BRCA1: variants seen among roughly 807,000 people sequenced by gnomAD.
BRCA1 encodes the protein breast cancer type 1 susceptibility protein.
A neutral mutation model predicts 173.7 loss-of-function variants in BRCA1; 140 were observed. The ratio of observed to expected loss-of-function variants is 0.81; its 90% CI spans 0.70 to 0.93. The LOEUF (loss-of-function observed/expected upper bound fraction) is 0.93, where lower values mean the gene tolerates loss of function less well. Ranked by LOEUF, BRCA1 falls within the 40% of genes least tolerant of loss-of-function variation. BRCA1 has a pLI of 0.00. For synonymous variants in BRCA1, 662 were observed against 756.0 expected (o/e 0.88, Z 2.04); for missense variants, 1,983 against 2,172.5 (o/e 0.91, Z 1.73).
At chr17:43,137,073 C>T (rs533838221) in intron 1 of BRCA1, among the ~76,000 whole-genome samples, 12 of 152,240 alleles carry the variant, frequency 7.9e-5, no homozygotes, top group African/African-American at 2.9e-4. Flanking sequence ...AAATGTGGCA[C>T]ATATACACCA....
At chr17:43,159,239 C>T (rs1207395711) in intron 1 of BRCA1, among the ~76,000 whole-genome samples, 2 of 152,200 alleles carry the variant, frequency 1.3e-5, no homozygotes, top group African/African-American at 4.8e-5. Flanking sequence ...CGACAGAGAT[C>T]CTGTATAAAA....
At chr17:43,123,404 T>A (rs2055681076) in intron 2 of BRCA1, among the ~76,000 whole-genome samples, 1 of 147,928 alleles carries the variant, frequency 6.8e-6, no homozygotes, top group African/African-American at 2.6e-5. Flanking sequence ...TCGCTGGAGT[T>A]CAGTGGTGCC....
intron 11 of BRCA1, among the ~76,000 whole-genome samples, chr17:43,087,664 GAAA>G (rs1302904943): frequency 1.5e-5 from 1 of 66,932 alleles, no homozygotes; most frequent in African/African-American, 5.4e-5. Flanking sequence ...CTCCATCTCA[GAAA>G]AAAAAAAAAA....
chr17:43,136,455 A>G (rs1283272106), intron 1 of BRCA1, among the ~76,000 whole-genome samples: 4 of 152,226 alleles, frequency 2.6e-5, no homozygotes, highest in Admixed American at 2.6e-4. Flanking sequence ...TAAACTAAAG[A>G]GCTTCTGCAC....
At chr17:43,119,747 G>A (rs1474283554) in intron 2 of BRCA1, among the ~76,000 whole-genome samples, 3 of 152,042 alleles carry the variant, frequency 2.0e-5, no homozygotes, top group Admixed American at 6.6e-5. Flanking sequence ...GAAATTCTCC[G>A]TAAAAGAAAA....
chr17:43,142,938 G>GTATA (rs1476053792), intron 1 of BRCA1, among the ~76,000 whole-genome samples: 3 of 144,156 alleles, frequency 2.1e-5, no homozygotes, highest in African/African-American at 8.1e-5. Flanking sequence ...GTGTGTGTGT[G>GTATA]TGTATATATA....
chr17:43,083,448 G>GCC (rs1567784103), intron 11 of BRCA1, among the ~76,000 whole-genome samples: 1 of 152,152 alleles, frequency 6.6e-6, no homozygotes, highest in Non-Finnish European at 1.5e-5. Flanking sequence ...GCGCCATTGT[G>GCC]CCTGACCTGA....
rs755285181 is a variant in BRCA1 at position 43,094,711 on chromosome 17, A to C, written c.820T>G (p.Cys274Gly). 6.2e-7 allele frequency: 1 copy of C among 1,612,022 alleles called. No homozygotes were observed. Among genetic ancestry groups the C allele is most frequent in the Non-Finnish European group, 8.5e-7 (1 of 1,178,572 alleles). ...GAGCTGGCATGAGTATTTGTGCCAC[A>C]TGGCTCCACATGCAAGTTTGAAACA... ...SSVSNLHVEPCGTNTHASSLQ... is the reference protein window; with the variant it reads ...SSVSNLHVEPGGTNTHASSLQ... The change falls in exon 10 of 23, where the codon TGT becomes GGT. Residue 274 changes from cysteine (C) to glycine (G), a missense_variant. Coordinates refer to ENST00000357654, the MANE Select transcript of BRCA1 (RefSeq NM_007294.4).
intron 8 of BRCA1, among the ~76,000 whole-genome samples, chr17:43,096,982 C>T (rs1198278977): frequency 6.6e-6 from 1 of 152,088 alleles, no homozygotes; most frequent in Admixed American, 6.6e-5. Flanking sequence ...CACCAGCCTA[C>T]TTGAGGGAGG....
intron 1 of BRCA1, among the ~76,000 whole-genome samples, chr17:43,143,557 A>G (rs1444016717): frequency 6.6e-6 from 1 of 152,214 alleles, no homozygotes; most frequent in Non-Finnish European, 1.5e-5. Flanking sequence ...TCAGTTAGGT[A>G]GATTACCAAT....
intron 18 of BRCA1, among the ~76,000 whole-genome samples, chr17:43,062,998 C>G (rs1285872940): frequency 6.6e-6 from 1 of 152,072 alleles, no homozygotes; most frequent in Non-Finnish European, 1.5e-5. Flanking sequence ...TCAAGTGATT[C>G]TCCTGCCTCA....
At chr17:43,116,679 C>T (rs368073959) in intron 2 of BRCA1, among the ~76,000 whole-genome samples, 49 of 152,254 alleles carry the variant, frequency 3.2e-4, no homozygotes, top group African/African-American at 8.4e-4. Context: ...CCACCACGCC[C>T]GGCTGATTTT....
rs2227945 is a variant in BRCA1 at position 43,092,113 on chromosome 17, T to C, written c.3418A>G (p.Ser1140Gly). ...SDNLEQPMGS[S>G]HASQVCSETP... is the part of the protein sequence containing the mutation. ...TCAGAACAAACCTGAGATGCATGAC[T>C]ACTTCCCATAGGCTGTTCTAAGTTA... The change falls in exon 10 of 23, where the codon AGT becomes GGT. Residue 1140 changes from serine (S) to glycine (G), a missense_variant. Physicochemically the swap from Ser to Gly is moderately conservative, Grantham distance 56. Coordinates refer to ENST00000357654, the MANE Select transcript of BRCA1 (RefSeq NM_007294.4). 3,013 of 1,613,880 alleles carry C rather than the reference T, an allele frequency of 1.9e-3. 55 individuals carry two copies. In the African/African-American group the frequency reaches 0.035, roughly 18 times the overall value.
At chr17:43,119,022 G>T in intron 2 of BRCA1, 1 of 215,788 alleles carries the variant, frequency 4.6e-6, no homozygotes, top group Non-Finnish European at 9.3e-6. Context: ...TGCCTCGACC[G>T]GGATTACAGG....
intron 10 of BRCA1, 137 bp from the exon 11 acceptor site, chr17:43,091,169 C>T: frequency 1.0e-6 from 1 of 987,480 alleles, no homozygotes; most frequent in Non-Finnish European, 1.5e-6. Context: ...TGCTTTGGGA[C>T]ACCTGGATTT....
rs80357132 is a variant in BRCA1, at chr17:43,063,888, A to C, written c.5138T>G (p.Val1713Gly). Residue 1713 changes from valine to glycine, a missense_variant, in exon 17 of 23, where the codon GTA becomes GGA. By Grantham distance (109) the Val-to-Gly change is moderately radical. Coordinates refer to ENST00000357654, the MANE Select transcript of BRCA1 (RefSeq NM_007294.4). ...ATTATACTTACAGAAATAGCTAACT[A>C]CCCATTTTCCTCCCGCAATTCCTAG... is the stretch of plus-strand genomic sequence containing the variant. Reference protein sequence around the residue: ...YFLGIAGGKWVVSYFWVTQSI... With the variant: ...YFLGIAGGKWGVSYFWVTQSI... 1 of 1,613,466 alleles carries C rather than the reference A, an allele frequency of 6.2e-7. No homozygotes were observed. Among genetic ancestry groups the C allele is most frequent in the Non-Finnish European group, 8.5e-7 (1 of 1,179,448 alleles).
chr17:43,100,268 A>G (rs1343494399), intron 6 of BRCA1, among the ~76,000 whole-genome samples: 4 of 151,736 alleles, frequency 2.6e-5, no homozygotes, highest in Non-Finnish European at 4.4e-5. Context: ...TTATTTGTGT[A>G]ATTTTTGAAG....
chr17:43,096,537 A>G (rs1268185231), intron 8 of BRCA1, among the ~76,000 whole-genome samples: 1 of 144,762 alleles, frequency 6.9e-6, no homozygotes, highest in Non-Finnish European at 1.5e-5. Context: ...GCGCCACTAC[A>G]CTCCATCCTG....
intron 1 of BRCA1, among the ~76,000 whole-genome samples, chr17:43,149,634 TTGA>T (rs372302599): frequency 3.8e-4 from 58 of 152,308 alleles, no homozygotes; most frequent in African/African-American, 1.4e-3. Flanking sequence ...AGTGGTCTAC[TTGA>T]TGATATGAAG....
Sources: gnomAD v4.1 joint callset for allele counts (sites outside exome capture counted in the v4.1 genomes callset) on GRCh38, gnomAD v4.1.1 for gene constraint, MANE v1.5 for transcripts, NCBI Gene and HGNC (gene_info 2026-07-23, HGNC 2026-07-21) for gene names.